MRPL38: variants seen among roughly 807,000 people sequenced by gnomAD.
MRPL38 encodes the protein mitochondrial ribosomal protein L38.
MRPL38 carries 51 observed loss-of-function variants against 52.1 expected under a neutral mutation model. The ratio of observed to expected loss-of-function variants is 0.98; its 90% CI spans 0.78 to 1.24. MRPL38 has a LOEUF of 1.24. Ranked by LOEUF, MRPL38 falls within the 50% of genes most tolerant of loss-of-function variation. The pLI, the probability that MRPL38 is intolerant of heterozygous loss-of-function variation, is 0.00. For synonymous variants in MRPL38, 245 were observed against 212.7 expected (o/e 1.15, Z -1.32); for missense variants, 527 against 518.6 (o/e 1.02, Z -0.16).
Position 75,901,673 on chromosome 17 carries a change from T to G in MRPL38, c.591+39A>C. The stretch of plus-strand genomic sequence containing the variant: ...CACTGAGATGGGATGTGTCTGTGTT[T>G]GCACAGGGCAGGGAGGAGGGGCACA... On this transcript the variant is annotated intron_variant, in intron 4 of 8. Transcript: ENST00000309352. This position sits in a 1 kb window ranked among gnomAD's most constrained non-coding sequence, Gnocchi z 5.7. The G allele has an allele frequency of 6.4e-7, 1 of 1,572,374 alleles. No individual in the cohort carries two copies. Among genetic ancestry groups the G allele is most frequent in the South Asian group, 1.1e-5 (1 of 90,158 alleles).
At position 75,904,692 on chromosome 17, in the gene MRPL38, A is replaced by T; in HGVS notation, c.95T>A (p.Leu32Gln). 1 of 1,581,372 alleles carries T rather than the reference A, an allele frequency of 6.3e-7. No individual in the cohort carries two copies. Among genetic ancestry groups the T allele is most frequent in the Non-Finnish European group, 8.5e-7 (1 of 1,171,608 alleles). Residue 32 changes from leucine (L) to glutamine (Q), a missense_variant, in exon 2 of 9, where the codon CTG becomes CAG. Physicochemically the swap from Leu to Gln is moderately radical, Grantham distance 113 (BLOSUM62 -2). Coordinates refer to ENST00000309352, the MANE Select transcript of MRPL38 (RefSeq NM_032478.4). ...GATGTCACTGTTGGGCATCGGCCCCAGCGGGGGTGTCCGGCGGCCCAGGAC... is the reference window on the plus strand; with the variant it reads ...GATGTCACTGTTGGGCATCGGCCCCTGCGGGGGTGTCCGGCGGCCCAGGAC... ...SAVLGRRTPPLGPMPNSDIDL... is the reference protein window; with the variant it reads ...SAVLGRRTPPQGPMPNSDIDL...
chr17:75,900,993 G>C lies in MRPL38; in HGVS notation c.699C>G (p.Leu233=). Residue 233 remains leucine (L), a synonymous_variant, in exon 6 of 9, where the codon CTC becomes CTG. Coordinates refer to ENST00000309352, the MANE Select transcript of MRPL38 (RefSeq NM_032478.4). ...GHLLEPDAEY[L]HWLLTNIPGN... ...ACTCCAGTACTCACAGCAGCCAGTG[G>C]AGGTACTCAGCATCTGGCTCCAGCA... The C allele has an allele frequency of 6.2e-7, 1 of 1,612,694 alleles. No individual in the cohort carries two copies. Among genetic ancestry groups the C allele is most frequent in the Non-Finnish European group, 8.5e-7 (1 of 1,179,492 alleles).
intron 2 of MRPL38, chr17:75,904,323 G>T (rs2065418528): frequency 1.4e-6 from 1 of 709,298 alleles, no homozygotes; most frequent in Non-Finnish European, 2.6e-6. Flanking sequence ...TCTAATAGTA[G>T]GGGGAGCGAA....
rs759908511 is a variant in MRPL38, at chr17:75,899,185, C to T, written c.979G>A (p.Val327Ile). The T allele has an allele frequency of 1.2e-5, 19 of 1,604,880 alleles. No homozygotes were observed. The highest frequency in any genetic ancestry group is 1.4e-5 in the Non-Finnish European group (16 of 1,176,248). Reference sequence around the variant, plus strand: ...AGAAGCTGGTGGAAGATGTAGGTGACGGAGTCATCCCAGCGGCACTGGAAG... The same window carrying T: ...AGAAGCTGGTGGAAGATGTAGGTGATGGAGTCATCCCAGCGGCACTGGAAG... ...SFFQCRWDDSVTYIFHQLLDM... is the reference protein window; with the variant it reads ...SFFQCRWDDSITYIFHQLLDM... The change falls in exon 8 of 9, where the codon GTC (valine) becomes ATC (isoleucine). Residue 327 changes from valine to isoleucine, a missense_variant. Physicochemically the swap from Val to Ile is conservative, Grantham distance 29 (BLOSUM62 3). Transcript: ENST00000309352.
chr17:75,899,003 G>T lies in MRPL38; in HGVS notation c.1007-17C>A, dbSNP rs1362047313. The stretch of plus-strand genomic sequence containing the variant: ...CCCGCATGTCTGCAAGAAGAGTGAG[G>T]GGTACGGGGTGGTCTGCTGGCCTGC... On this transcript the variant is annotated splice_polypyrimidine_tract_variant and intron_variant, in intron 8 of 8. Transcript: ENST00000309352. The T allele has an allele frequency of 1.3e-6, 2 of 1,576,338 alleles. No homozygotes were observed. Among genetic ancestry groups the T allele is most frequent in the Admixed American group, 3.5e-5 (2 of 57,634 alleles).
Position 75,899,579 on chromosome 17 carries a change from GC to G in MRPL38, c.805del (p.Ala269ProfsTer43). 1 of 1,608,684 alleles carries G rather than the reference GC, an allele frequency of 6.2e-7. No individual in the cohort carries two copies. Among genetic ancestry groups the G allele is most frequent in the Non-Finnish European group, 8.5e-7 (1 of 1,176,850 alleles). On this transcript the variant is annotated frameshift_variant, in exon 7 of 9. Transcript: ENST00000309352. LOFTEE classifies it high-confidence loss of function. ...CTGGTCCTGCTTGAAGAGCAGGAAG[GC>G]AAGACGGTGGATGCCGGAGCCTCGG... ...PARGSGIHRL[A>X]FLLFKQDQPI... is the part of the protein sequence containing the mutation.
chr17:75,899,705 A>G, intron 6 of MRPL38, 31 bp from the exon 7 acceptor site: 2 of 1,522,576 alleles, frequency 1.3e-6, no homozygotes, highest in Non-Finnish European at 1.8e-6. Flanking sequence ...GTTAATTACC[A>G]CTCCAGGGAG....
chr17:75,904,560 T>C lies in MRPL38; in HGVS notation c.227A>G (p.Glu76Gly). The change falls in exon 2 of 9, where the codon GAG becomes GGG. Residue 76 changes from glutamate (E) to glycine (G), a missense_variant. By Grantham distance (98) the Glu-to-Gly change is moderately conservative. Transcript: ENST00000309352. ...CGCACCTGTCTTCTCCCCGAAATAC[T>C]CTCGGTAGGTCCGCCACCAGTGCGG... Reference protein sequence around the residue: ...QAPHWWRTYREYFGEKTDPKE... With the variant: ...QAPHWWRTYRGYFGEKTDPKE... 6.4e-7 allele frequency: 1 copy of C among 1,565,334 alleles called. No homozygotes were observed.
intron 6 of MRPL38, 164 bp downstream of exon 6, chr17:75,900,818 G>C (rs2065400535): frequency 7.0e-7 from 1 of 1,430,440 alleles, no homozygotes; most frequent in African/African-American, 1.4e-5. Flanking sequence ...TCTTCAAGTA[G>C]ACACGTGGAT....
At chr17:75,904,770 G>GGGGGGGGCCCCCCC in intron 1 of MRPL38, 39 bp downstream of exon 1, 1 of 500,004 alleles carries the variant, frequency 2.0e-6, no homozygotes, top group Non-Finnish European at 2.8e-6. Context: ...TCGGGCGACA[G>GGGGGGGGCCCCCCC]CCCCCCCCCC....
chr17:75,902,237 G>A (rs1273229439), intron 2 of MRPL38, 83 bp from the exon 3 acceptor site: 16 of 1,432,970 alleles, frequency 1.1e-5, no homozygotes, highest in Non-Finnish European at 1.2e-5. Flanking sequence ...CTGAGTAGCT[G>A]GGGCTACAAG....
At chr17:75,899,832 G>A (rs1030231263) in intron 6 of MRPL38, 158 bp from the exon 7 acceptor site, 2 of 508,990 alleles carry the variant, frequency 3.9e-6, no homozygotes, top group African/African-American at 2.0e-5. Context: ...CTCTGTGAAC[G>A]CCGGGACATG....
At position 75,901,390 on chromosome 17, in the gene MRPL38, G is replaced by A. The variant is rs555422923; in HGVS notation, c.592-117C>T. On this transcript the variant is annotated intron_variant, in intron 4 of 8. Transcript: ENST00000309352. The surrounding 1 kb of genome is among the most constrained non-coding windows in gnomAD (Gnocchi z 5.7). ...AAAGCCCTTGACAACCCCTGGCACA[G>A]GCAGGCAGGCAAAGGGATGCGTAGA... The A allele has an allele frequency of 4.0e-6, 4 of 999,848 alleles. No homozygotes were observed. Among genetic ancestry groups the A allele is most frequent in the South Asian group, 2.8e-5 (2 of 72,288 alleles). The allele number at this position is 999,848 out of a possible 1,614,324, so 61.9% of individuals were successfully genotyped here. A position where few individuals can be genotyped will look rare whatever the true frequency, so the allele number is the denominator to read the frequency against.
chr17:75,899,815 A>C, intron 6 of MRPL38, 141 bp from the exon 7 acceptor site: 1 of 678,232 alleles, frequency 1.5e-6, no homozygotes, highest in Non-Finnish European at 2.1e-6. Context: ...CAGAGGAGGC[A>C]GCCAAGCTCT....
In MRPL38 at chr17:75,901,034, A is replaced by G. The variant is rs959846925; in HGVS notation, c.665-7T>C. On this transcript the variant is annotated splice_polypyrimidine_tract_variant and splice_region_variant and intron_variant, in intron 5 of 8. Transcript: ENST00000309352. The surrounding 1 kb of genome is among the most constrained non-coding windows in gnomAD (Gnocchi z 5.7). Reference sequence around the variant, plus strand: ...GGCTCCAGCAGGTGCCCATCTGCACAAAAACACACCTGCTGACCACGGCCC... The same window carrying G: ...GGCTCCAGCAGGTGCCCATCTGCACGAAAACACACCTGCTGACCACGGCCC... The G allele has an allele frequency of 6.2e-7, 1 of 1,611,860 alleles. No homozygotes were observed. Among genetic ancestry groups the G allele is most frequent in the Admixed American group, 1.7e-5 (1 of 59,800 alleles).
chr17:75,898,845 G>T lies in MRPL38; in HGVS notation c.*5C>A, dbSNP rs201478629. On this transcript the variant is annotated 3_prime_UTR_variant, in exon 9 of 9. Coordinates refer to ENST00000309352, the MANE Select transcript of MRPL38 (RefSeq NM_032478.4). Reference sequence around the variant, plus strand: ...CATGCTCTGAAATGCGCACACTCTGGCTCCTTAGTAGATGCCATAGGTGGG... The same window carrying T: ...CATGCTCTGAAATGCGCACACTCTGTCTCCTTAGTAGATGCCATAGGTGGG... 9.9e-6 allele frequency: 16 copies of T among 1,611,764 alleles called. No homozygotes were observed. In the Admixed American group the frequency reaches 1.3e-4, roughly 13 times the overall value.
chr17:75,899,096 G>C, intron 8 of MRPL38, 62 bp downstream of exon 8: 1 of 1,550,194 alleles, frequency 6.5e-7, no homozygotes, highest in Non-Finnish European at 8.7e-7. Flanking sequence ...GCTTCTCCCT[G>C]GCAGGGCAGG....
Position 75,899,635 on chromosome 17 carries a change from C to T in MRPL38, c.750G>A (p.Val250=), listed in dbSNP as rs1015315397. ...GGAAGGGGGGGAGGTAGGGACACGT[C>T]ACCTGTCCTTCAGCCACCCGGTTAC... ...IPGNRVAEGQ[V]TCPYLPPFPA... The change falls in exon 7 of 9, where the codon GTG becomes GTA. Residue 250 remains valine (V), a synonymous_variant. Coordinates refer to ENST00000309352, the MANE Select transcript of MRPL38 (RefSeq NM_032478.4). 2 of 1,595,746 alleles carry T rather than the reference C, an allele frequency of 1.3e-6. No individual in the cohort carries two copies. Among genetic ancestry groups the T allele is most frequent in the South Asian group, 2.3e-5 (2 of 88,802 alleles).
intron 8 of MRPL38, 29 bp from the exon 9 acceptor site, chr17:75,899,015 G>C (rs1349754646): frequency 1.3e-6 from 2 of 1,569,532 alleles, no homozygotes; most frequent in African/African-American, 1.3e-5. Flanking sequence ...GTACGGGGTG[G>C]TCTGCTGGCC....
Sources: gnomAD v4.1 joint callset for allele counts on GRCh38, gnomAD v4.1.1 for gene constraint, Gnocchi (gnomAD v3.1) non-coding constraint, MANE v1.5 for transcripts, NCBI Gene and HGNC (gene_info 2026-07-23, HGNC 2026-07-21) for gene names.